Variants in CCDC141 observed in about 807,000 individuals in gnomAD.
The protein encoded by CCDC141 is coiled-coil domain containing 141.
In CCDC141, 168 loss-of-function variants were observed where a neutral mutation model predicts 181.0. The ratio of observed to expected loss-of-function variants is 0.93; its 90% CI spans 0.82 to 1.05. The LOEUF (loss-of-function observed/expected upper bound fraction) is 1.05. Ranked by LOEUF, CCDC141 falls within the 50% of genes least tolerant of loss-of-function variation. The pLI, the probability that CCDC141 is intolerant of heterozygous loss-of-function variation, is 0.00. For missense variants in CCDC141, 1,902 were observed against 1,788.5 expected (o/e 1.06, Z -1.14); for synonymous variants, 666 against 642.3 (o/e 1.04, Z -0.56).
Position 178,878,074 on chromosome 2 carries a change from C to A in CCDC141, c.1789G>T (p.Ala597Ser). 1 of 1,613,698 alleles carries A rather than the reference C, an allele frequency of 6.2e-7. No homozygotes were observed. The highest frequency in any genetic ancestry group is 2.2e-5 in the East Asian group (1 of 44,848). The change falls in exon 12 of 24, where the codon GCT (alanine) becomes TCT (serine). Residue 597 changes from alanine to serine, a missense_variant. By Grantham distance (99) the Ala-to-Ser change is moderately conservative (BLOSUM62 1). Transcript: ENST00000443758. Reference protein sequence around the residue: ...TEIPQKEQDDAKAKHCSDSAE... With the variant: ...TEIPQKEQDDSKAKHCSDSAE... ...GAGTCAGAACAATGCTTGGCTTTAG[C>A]ATCATCCTGCTCCTTCTGAGGGATT...
chr2:178,816,871 A>G, the CCDC141 span, among the ~76,000 whole-genome samples: 1 of 152,236 alleles, frequency 6.6e-6, no homozygotes, highest in Non-Finnish European at 1.5e-5. Flanking sequence ...GTGGTAGACC[A>G]GGCTCATTCC....
chr2:178,948,578 C>T (rs1031047193), intron 5 of CCDC141, among the ~76,000 whole-genome samples: 2 of 152,046 alleles, frequency 1.3e-5, no homozygotes, highest in African/African-American at 4.8e-5. Flanking sequence ...CCCTCTAAAC[C>T]CTATGCTGAA....
the CCDC141 span, among the ~76,000 whole-genome samples, chr2:178,816,454 T>G: frequency 6.6e-6 from 1 of 152,240 alleles, no homozygotes. Flanking sequence ...AAAGGACATC[T>G]TGTTTGCTTC....
At chr2:178,854,585 C>CT (rs1240596275) in intron 19 of CCDC141, among the ~76,000 whole-genome samples, 2 of 152,154 alleles carry the variant, frequency 1.3e-5, no homozygotes, top group African/African-American at 4.8e-5. Flanking sequence ...GCCTGAAGCA[C>CT]TTATGCAGGG....
At position 178,833,582 on chromosome 2, in the gene CCDC141, A is replaced by G. The variant is rs1438895795; in HGVS notation, c.*591T>C. 6.5e-6 allele frequency: 1 copy of G among 152,900 alleles called. No homozygotes were observed. Among genetic ancestry groups the G allele is most frequent in the Non-Finnish European group, 1.5e-5 (1 of 68,518 alleles). 9.5% of individuals were successfully genotyped at this position (152,900 alleles called of 1,614,324 possible). ...AAAGTTGATGGCACATCTATCCTCC[A>G]ATGTCAAACCCGTGAGAGCAACATG... On this transcript the variant is annotated 3_prime_UTR_variant, in exon 24 of 24. Transcript: ENST00000443758.
chr2:179,023,414 T>C (rs1297477612), intron 2 of CCDC141, among the ~76,000 whole-genome samples: 1 of 152,186 alleles, frequency 6.6e-6, no homozygotes, highest in Non-Finnish European at 1.5e-5. Context: ...CATACAAAAC[T>C]GCTAAGTTAT....
chr2:178,902,253 T>C (rs1055615808), intron 8 of CCDC141, among the ~76,000 whole-genome samples: 1 of 152,302 alleles, frequency 6.6e-6, no homozygotes, highest in South Asian at 2.1e-4. Context: ...TGGAAAAAAC[T>C]ACTTTAAAGT....
chr2:178,932,330 T>C (rs35288343), intron 6 of CCDC141, among the ~76,000 whole-genome samples: 25,998 of 152,078 alleles, frequency 0.17, 2,331 homozygotes, highest in Middle Eastern at 0.23. Context: ...CAAGATTATA[T>C]CAGAAGTAAG....
rs1055385911 is a variant in CCDC141 at position 178,867,941 on chromosome 2, T to C, written c.2574+85A>G. On this transcript the variant is annotated intron_variant, in intron 16 of 23. Transcript: ENST00000443758. ...GTTTATTTTTAAATTTAACATATAC[T>C]AAGCAATCTGCCTGGTTTCTTTCAT... is the stretch of plus-strand genomic sequence containing the variant. 1.3e-5 allele frequency: 14 copies of C among 1,083,866 alleles called. No individual in the cohort carries two copies. In the African/African-American group the frequency reaches 2.0e-4, roughly 16 times the overall value. The allele number at this position is 1,083,866 out of a possible 1,614,324, so 67.1% of individuals were successfully genotyped here. A position where few individuals can be genotyped will look rare whatever the true frequency, so the allele number is the denominator to read the frequency against.
chr2:178,988,341 G>T (rs1691858706), intron 2 of CCDC141, among the ~76,000 whole-genome samples: 1 of 105,190 alleles, frequency 9.5e-6, no homozygotes, highest in Non-Finnish European at 1.8e-5. Flanking sequence ...AGGGGGGAGG[G>T]ATAGCATTGG....
the CCDC141 span, among the ~76,000 whole-genome samples, chr2:178,815,603 C>T: frequency 6.6e-6 from 1 of 152,126 alleles, no homozygotes; most frequent in Non-Finnish European, 1.5e-5. Flanking sequence ...CTCCAGGACC[C>T]CCTAACCCCC....
Position 178,834,440 on chromosome 2 carries a change from C to T in CCDC141, c.4326G>A (p.Trp1442Ter). ...VTGFPEPTLT[W>*]YKKGQKLSAD... is the part of the protein sequence containing the mutation. ...CAGACAATTTCTGGCCCTTCTTGTA[C>T]CTGAAGCAGAGAGGCAGTTTTTAAA... The change falls in exon 24 of 24, where the codon TGG (tryptophan) becomes TGA (stop). Residue 1442 changes from tryptophan (W) to a stop codon, truncating the protein, a stop_gained and splice_region_variant. Coordinates refer to ENST00000443758, the MANE Select transcript of CCDC141 (RefSeq NM_173648.4). LOFTEE classifies it high-confidence loss of function. The T allele has an allele frequency of 6.5e-7, 1 of 1,534,912 alleles. No individual in the cohort carries two copies. Among genetic ancestry groups the T allele is most frequent in the Non-Finnish European group, 8.7e-7 (1 of 1,145,726 alleles).
chr2:179,007,969 GT>G (rs1453872500), intron 2 of CCDC141, among the ~76,000 whole-genome samples: 1 of 152,154 alleles, frequency 6.6e-6, no homozygotes, highest in Non-Finnish European at 1.5e-5. Context: ...CATTTTCTTA[GT>G]TTAGCTCATA....
the CCDC141 span, among the ~76,000 whole-genome samples, chr2:178,815,237 T>C: frequency 6.6e-6 from 1 of 152,190 alleles, no homozygotes; most frequent in Non-Finnish European, 1.5e-5. Flanking sequence ...ATAAATATGA[T>C]GACAATTTGA....
In CCDC141 at chr2:178,871,463, T is replaced by C. The variant is rs1352280567; in HGVS notation, c.2169A>G (p.Leu723=). ...LGGSLQFILD[L]RQKWNDMKPQ... Reference sequence around the variant, plus strand: ...GCTTCATGTCATTCCATTTTTGTCGTAGATCTAAAATGAACTGGAGGCTCC... The same window carrying C: ...GCTTCATGTCATTCCATTTTTGTCGCAGATCTAAAATGAACTGGAGGCTCC... The change falls in exon 14 of 24, where the codon CTA becomes CTG. Residue 723 remains leucine, a synonymous_variant. Transcript: ENST00000443758. 20 of 1,613,744 alleles carry C rather than the reference T, an allele frequency of 1.2e-5. No individual in the cohort carries two copies. Among genetic ancestry groups the C allele is most frequent in the Non-Finnish European group, 1.6e-5 (19 of 1,179,858 alleles).
At chr2:178,960,236 T>G (rs1191142328) in intron 5 of CCDC141, among the ~76,000 whole-genome samples, 2 of 152,190 alleles carry the variant, frequency 1.3e-5, no homozygotes, top group African/African-American at 4.8e-5. Context: ...TGGTCTAGCA[T>G]ATCCCCAGCA....
intron 21 of CCDC141, 116 bp downstream of exon 21, chr2:178,849,933 T>C: frequency 1.6e-6 from 1 of 607,272 alleles, no homozygotes; most frequent in Non-Finnish European, 2.9e-6. Context: ...AAAACAAATG[T>C]GCACATTATG....
intron 4 of CCDC141, among the ~76,000 whole-genome samples, chr2:178,972,109 A>G (rs1458495280): frequency 6.6e-6 from 1 of 152,126 alleles, no homozygotes. Context: ...TAAATTTAAA[A>G]AAAGATATAT....
intron 22 of CCDC141, among the ~76,000 whole-genome samples, chr2:178,840,121 C>CT (rs1684662133): frequency 6.6e-6 from 1 of 152,232 alleles, no homozygotes; most frequent in Admixed American, 6.5e-5. Context: ...TGCTCTCCAA[C>CT]TTTAATAGCT....
Sources: allele counts gnomAD v4.1 joint callset (sites outside exome capture counted in the v4.1 genomes callset), GRCh38; gene constraint gnomAD v4.1.1; transcripts MANE v1.5; gene names NCBI Gene and HGNC (gene_info 2026-07-23, HGNC 2026-07-21).